Variants in HAPSTR1 observed in about 807,000 individuals in gnomAD.
The protein encoded by HAPSTR1 is HUWE1 associated protein modifying stress responses.
the HAPSTR1 span, chr16:9,092,050 G>A: frequency 3.3e-6 from 5 of 1,520,838 alleles, no homozygotes; most frequent in South Asian, 6.2e-5. Context: ...GGAGGATGGA[G>A]GAGCGGAAGG....
At chr16:9,092,200 C>T in the HAPSTR1 span, 4 of 1,586,674 alleles carry the variant, frequency 2.5e-6, no homozygotes, top group South Asian at 2.3e-5. Flanking sequence ...CCGCGCAGCC[C>T]GAGCACAAGC....
At chr16:9,098,754 T>G in the HAPSTR1 span, among the ~76,000 whole-genome samples, 1 of 152,248 alleles carries the variant, frequency 6.6e-6, no homozygotes, top group Non-Finnish European at 1.5e-5. Context: ...TCAGTAGTAT[T>G]TCTTTAGAAG....
At chr16:9,110,033 TCTC>T in the HAPSTR1 span, 3 of 152,082 alleles carry the variant, frequency 2.0e-5, no homozygotes, top group Admixed American at 1.3e-4. Context: ...AAGCTAATAA[TCTC>T]CTCAAGCAAT....
the HAPSTR1 span, chr16:9,111,019 CAA>C: frequency 2.0e-5 from 3 of 150,792 alleles, no homozygotes; most frequent in South Asian, 2.1e-4. Context: ...GCCTGGGCAA[CAA>C]GAGCAAAACT....
the HAPSTR1 span, chr16:9,104,114 CT>C: frequency 0.26 from 36,158 of 136,524 alleles, 4,055 homozygotes; most frequent in Admixed American, 0.3. Flanking sequence ...TCCTTTTTTT[CT>C]TTTTTTTTTT....
At chr16:9,095,074 A>G in the HAPSTR1 span, among the ~76,000 whole-genome samples, 1 of 152,242 alleles carries the variant, frequency 6.6e-6, no homozygotes, top group Non-Finnish European at 1.5e-5. Context: ...AACATCACAT[A>G]TGATTCTTGG....
At chr16:9,118,975 A>G in the HAPSTR1 span, 1 of 152,652 alleles carries the variant, frequency 6.6e-6, no homozygotes, top group African/African-American at 2.4e-5. Context: ...TCAAATTTTG[A>G]TAAAACGTGC....
chr16:9,108,383 G>C, the HAPSTR1 span: 1 of 151,258 alleles, frequency 6.6e-6, no homozygotes, highest in Non-Finnish European at 1.5e-5. Context: ...TTGGAGTTTC[G>C]CCATGTTGTC....
the HAPSTR1 span, among the ~76,000 whole-genome samples, chr16:9,101,458 T>C: frequency 1.3e-5 from 2 of 152,268 alleles, no homozygotes; most frequent in South Asian, 4.1e-4. Flanking sequence ...ATGAATGCAC[T>C]CTATAGCATA....
the HAPSTR1 span, chr16:9,103,308 C>T: frequency 1.3e-6 from 2 of 1,567,872 alleles, no homozygotes; most frequent in Non-Finnish European, 1.7e-6. Context: ...AAGAGGGTGC[C>T]TGTGGACCCA....
chr16:9,093,417 T>C, the HAPSTR1 span, among the ~76,000 whole-genome samples: 1 of 152,124 alleles, frequency 6.6e-6, no homozygotes, highest in Non-Finnish European at 1.5e-5. Flanking sequence ...GGAAAAGACA[T>C]TGAGGGAAGA....
At chr16:9,110,018 C>T in the HAPSTR1 span, 4 of 151,912 alleles carry the variant, frequency 2.6e-5, no homozygotes, top group Non-Finnish European at 4.4e-5. Context: ...ATTAAAAAAA[C>T]AAAAAAGCTA....
chr16:9,120,383 G>A, the HAPSTR1 span: 1 of 152,328 alleles, frequency 6.6e-6, no homozygotes, highest in Admixed American at 6.5e-5. Context: ...GGCAGCATTT[G>A]AGAGACGAGC....
the HAPSTR1 span, chr16:9,111,117 C>G: frequency 6.6e-6 from 1 of 152,236 alleles, no homozygotes; most frequent in East Asian, 1.9e-4. Context: ...TTAATTAGAA[C>G]CAACCTGTTG....
At chr16:9,095,161 C>G in the HAPSTR1 span, among the ~76,000 whole-genome samples, 161 of 152,290 alleles carry the variant, frequency 1.1e-3, 6 homozygotes, top group East Asian at 0.025. Context: ...AAACACATCC[C>G]TTGCCTAATA....
chr16:9,102,165 C>T, the HAPSTR1 span, among the ~76,000 whole-genome samples: 26 of 152,278 alleles, frequency 1.7e-4, no homozygotes, highest in African/African-American at 6.0e-4. Flanking sequence ...GAGAAATGTA[C>T]ACAGTATTGT....
At chr16:9,097,470 C>T in the HAPSTR1 span, among the ~76,000 whole-genome samples, 1 of 152,170 alleles carries the variant, frequency 6.6e-6, no homozygotes, top group Non-Finnish European at 1.5e-5. Context: ...CTCCTGAGCT[C>T]AGGCGATCCA....
chr16:9,096,252 G>T, the HAPSTR1 span, among the ~76,000 whole-genome samples: 3 of 152,224 alleles, frequency 2.0e-5, no homozygotes, highest in Admixed American at 6.5e-5. Context: ...CATTGTGTTG[G>T]TGGTCAAGTT....
the HAPSTR1 span, among the ~76,000 whole-genome samples, chr16:9,094,504 A>G: frequency 2.6e-5 from 4 of 152,084 alleles, no homozygotes; most frequent in African/African-American, 9.6e-5. Flanking sequence ...TTTTTTAAGA[A>G]GTAGAATATA....
Sources: gnomAD v4.1 joint callset for allele counts (sites outside exome capture counted in the v4.1 genomes callset) on GRCh38, gnomAD v4.1.1 for gene constraint, MANE v1.5 for transcripts, NCBI Gene and HGNC (gene_info 2026-07-23, HGNC 2026-07-21) for gene names.